The following DGKB variants were observed in gnomAD, a reference collection of about 807,000 sequenced individuals.
The protein encoded by DGKB is 90 kDa diacylglycerol kinase.
In DGKB, 67 loss-of-function variants were observed where a neutral mutation model predicts 114.3. The observed-to-expected ratio is 0.59, with a 90% confidence interval of 0.48 to 0.72. The LOEUF (loss-of-function observed/expected upper bound fraction) is 0.72, where lower values mean the gene tolerates loss of function less well. Among genes scored for constraint, DGKB ranks in the 30% least tolerant of loss-of-function variants. The pLI is 0.00. For synonymous variants in DGKB, 398 were observed against 323.1 expected, an observed-to-expected ratio of 1.23 and a Z score of -2.49; for missense variants, 907 against 975.2, an observed-to-expected ratio of 0.93 and a Z score of 0.93.
At chr7:14,407,741 T>C (rs12532918) in intron 21 of DGKB, among the ~76,000 whole-genome samples, 114,196 of 151,998 alleles carry the variant, frequency 0.75, 43,509 homozygotes, top group Middle Eastern at 0.83. Context: ...GAGTAAATAT[T>C]TCAAATGAAG....
chr7:14,719,891 C>T lies in DGKB; in HGVS notation c.323-1206G>A, dbSNP rs894758489. On this transcript the variant is annotated intron_variant, in intron 5 of 25. Transcript: ENST00000402815. ...CACATATTATCTCACATTATTCTTACGTGAACGCTGTGAGGTAGAGTGCAT... is the reference window on the plus strand; with the variant it reads ...CACATATTATCTCACATTATTCTTATGTGAACGCTGTGAGGTAGAGTGCAT... 5.3e-5 allele frequency among the ~76,000 whole-genome samples: 8 copies of T among 152,062 alleles called. 1 individual carries two copies. The highest frequency in any genetic ancestry group is 4.1e-4 in the South Asian group (2 of 4,822).
chr7:14,268,180 A>T (rs1383609627), intron 23 of DGKB, among the ~76,000 whole-genome samples: 1 of 151,156 alleles, frequency 6.6e-6, no homozygotes, highest in East Asian at 1.9e-4. Context: ...TATCTTAAAC[A>T]TTAAAATCAC....
At chr7:14,495,997 T>C (rs899038694) in intron 20 of DGKB, among the ~76,000 whole-genome samples, 1 of 151,842 alleles carries the variant, frequency 6.6e-6, no homozygotes, top group East Asian at 1.9e-4. Flanking sequence ...AGGCTTCTTG[T>C]AGTGAATTAA....
intron 1 of DGKB, among the ~76,000 whole-genome samples, chr7:14,891,132 C>T (rs1029457342): frequency 2.6e-5 from 4 of 151,296 alleles, no homozygotes; most frequent in Non-Finnish European, 5.9e-5. Flanking sequence ...ACCAGTACTC[C>T]CACCTTATCC....
At chr7:14,325,507 A>T (rs1808560085) in intron 23 of DGKB, among the ~76,000 whole-genome samples, 1 of 152,166 alleles carries the variant, frequency 6.6e-6, no homozygotes, top group Non-Finnish European at 1.5e-5. Context: ...AATACCTGAA[A>T]AGAGTGAACT....
chr7:14,786,089 T>C (rs1349900160), intron 2 of DGKB, among the ~76,000 whole-genome samples: 1 of 152,070 alleles, frequency 6.6e-6, no homozygotes, highest in Non-Finnish European at 1.5e-5. Flanking sequence ...AGATTTCCTG[T>C]GTCACAAACT....
chr7:14,464,749 C>G (rs1274625627), intron 21 of DGKB, among the ~76,000 whole-genome samples: 1 of 152,158 alleles, frequency 6.6e-6, no homozygotes, highest in Non-Finnish European at 1.5e-5. Flanking sequence ...CTCCTTAAAG[C>G]TGAGAAATGA....
At chr7:14,294,028 G>T (rs1032609684) in intron 23 of DGKB, among the ~76,000 whole-genome samples, 1 of 152,080 alleles carries the variant, frequency 6.6e-6, no homozygotes, top group Non-Finnish European at 1.5e-5. Flanking sequence ...TCAAAGTGTT[G>T]GCAAGCTCCA....
intron 1 of DGKB, among the ~76,000 whole-genome samples, chr7:14,966,842 A>G (rs928364357): frequency 7.9e-5 from 12 of 152,186 alleles, no homozygotes; most frequent in African/African-American, 2.9e-4. Context: ...AATTACTGAG[A>G]ATATTTCATT....
intron 10 of DGKB, among the ~76,000 whole-genome samples, chr7:14,684,974 G>T (rs1821424499): frequency 6.6e-6 from 1 of 152,098 alleles, no homozygotes; most frequent in East Asian, 1.9e-4. Flanking sequence ...CTGAAGAAAT[G>T]GGAAACATGA....
At chr7:14,450,142 A>C (rs1191655184) in intron 21 of DGKB, among the ~76,000 whole-genome samples, 1 of 152,088 alleles carries the variant, frequency 6.6e-6, no homozygotes, top group Non-Finnish European at 1.5e-5. Context: ...GATGAAACCA[A>C]GACAATTTCT....
intron 1 of DGKB, among the ~76,000 whole-genome samples, chr7:14,970,562 T>C (rs1324339721): frequency 6.6e-6 from 1 of 151,668 alleles, no homozygotes; most frequent in Middle Eastern, 3.2e-3. Flanking sequence ...AAGGAATAAA[T>C]AAATAAATAA....
chr7:14,697,964 GGAAAGAAAGAAA>G, intron 8 of DGKB, 119 bp downstream of exon 8: 1 of 585,582 alleles, frequency 1.7e-6, no homozygotes, highest in Non-Finnish European at 3.0e-6. Context: ...ATAGAAGGAA[GGAAAGAAAGAAA>G]GAAAGAGAGA....
At chr7:14,734,276 T>A (rs924172216) in intron 5 of DGKB, among the ~76,000 whole-genome samples, 17 of 151,868 alleles carry the variant, frequency 1.1e-4, no homozygotes, top group African/African-American at 4.1e-4. Context: ...CCTGACCTTG[T>A]GATCTGTCCA....
chr7:14,718,711 T>C, intron 5 of DGKB, 26 bp from the exon 6 acceptor site: 1 of 1,556,996 alleles, frequency 6.4e-7, no homozygotes, highest in South Asian at 1.2e-5. Context: ...TCTTTATATT[T>C]TGTTAATTAT....
At chr7:14,704,719 C>T (rs1825875011) in intron 6 of DGKB, among the ~76,000 whole-genome samples, 1 of 152,286 alleles carries the variant, frequency 6.6e-6, no homozygotes, top group East Asian at 1.9e-4. Context: ...ACTGACACCT[C>T]ACACGGCAGG....
chr7:14,264,932 C>A (rs141086011), intron 23 of DGKB, among the ~76,000 whole-genome samples: 508 of 152,216 alleles, frequency 3.3e-3, no homozygotes, highest in Middle Eastern at 0.014. Context: ...ATAACTGAAA[C>A]AAAGACTTTA....
At chr7:14,707,469 A>G (rs1826499439) in intron 6 of DGKB, among the ~76,000 whole-genome samples, 1 of 133,116 alleles carries the variant, frequency 7.5e-6, no homozygotes, top group South Asian at 2.9e-4. Context: ...TCATTTGATG[A>G]GGCCAGCATC....
intron 13 of DGKB, among the ~76,000 whole-genome samples, chr7:14,646,771 T>TAAA (rs71004322): frequency 6.6e-6 from 1 of 151,072 alleles, no homozygotes; most frequent in Non-Finnish European, 1.5e-5. Flanking sequence ...AAGAAGAAAG[T>TAAA]AAAAAAAATT....
Sources: allele counts gnomAD v4.1 joint callset (sites outside exome capture counted in the v4.1 genomes callset), GRCh38; gene constraint gnomAD v4.1.1; transcripts MANE v1.5; gene names NCBI Gene and HGNC (gene_info 2026-07-23, HGNC 2026-07-21).